ITIH5: variants seen among roughly 807,000 people sequenced by gnomAD.
ITIH5 encodes inter-alpha-trypsin inhibitor heavy chain 5, also known as inter-alpha-trypsin inhibitor heavy chain H5.
A neutral mutation model predicts 77.5 loss-of-function variants in ITIH5; 65 were observed. The observed-to-expected ratio is 0.84, with a 90% confidence interval of 0.69 to 1.03. The LOEUF (loss-of-function observed/expected upper bound fraction) is 1.03. ITIH5 is among the 50% of genes least tolerant of loss of function. The pLI is 0.00. For missense variants in ITIH5, 1,208 were observed against 1,213.1 expected (o/e 1.00, Z 0.06); for synonymous variants, 525 against 494.3 (o/e 1.06, Z -0.82).
chr10:7,572,290 A>G, intron 11 of ITIH5: 1 of 1,363,742 alleles, frequency 7.3e-7, no homozygotes, highest in Non-Finnish European at 9.8e-7. Context: ...AACAAAACCC[A>G]GTCATAGGTT....
At chr10:7,588,805 T>C (rs1196523484) in intron 7 of ITIH5, among the ~76,000 whole-genome samples, 3 of 152,230 alleles carry the variant, frequency 2.0e-5, no homozygotes, top group Non-Finnish European at 4.4e-5. Context: ...TCTTCCTCTG[T>C]TGAGGTGATT....
Position 7,559,766 on chromosome 10 carries a change from T to C in ITIH5, c.*3317A>G. ...CAGACATGGTGTCTGGTGAGGGCCG[T>C]CTTCCTGGCTTGCAGGTGGCCATCT... On this transcript the variant is annotated 3_prime_UTR_variant, in exon 14 of 14. Coordinates refer to ENST00000397146, the MANE Select transcript of ITIH5 (RefSeq NM_030569.7). 4.4e-6 allele frequency: 2 copies of C among 454,218 alleles called. No homozygotes were observed. Among genetic ancestry groups the C allele is most frequent in the South Asian group, 3.1e-5 (2 of 64,070 alleles). 28.1% of individuals were successfully genotyped at this position (454,218 alleles called of 1,614,324 possible).
chr10:7,635,048 C>A (rs1833777716), intron 5 of ITIH5, among the ~76,000 whole-genome samples: 1 of 152,144 alleles, frequency 6.6e-6, no homozygotes, highest in Admixed American at 6.5e-5. Flanking sequence ...CTTGGCCTCC[C>A]AAAGTGCTGG....
In ITIH5 at chr10:7,654,601, G is replaced by C. The variant is rs568899783; in HGVS notation, c.135+1030C>G. On this transcript the variant is annotated intron_variant, in intron 2 of 13. Coordinates refer to ENST00000397146, the MANE Select transcript of ITIH5 (RefSeq NM_030569.7). ...TCCTTTCACACAATGCAAACCAACT[G>C]CATGGCAGGTGTCATCTGGCCATGT... 3.3e-5 allele frequency among the ~76,000 whole-genome samples: 5 copies of C among 152,332 alleles called. No homozygotes were observed. In the East Asian group the frequency reaches 9.6e-4, roughly 29 times the overall value.
At chr10:7,649,669 A>G (rs1464510493) in intron 2 of ITIH5, among the ~76,000 whole-genome samples, 1 of 152,228 alleles carries the variant, frequency 6.6e-6, no homozygotes, top group Non-Finnish European at 1.5e-5. Flanking sequence ...GGTGAAAGAG[A>G]ACAGAAAGAA....
intron 5 of ITIH5, among the ~76,000 whole-genome samples, chr10:7,627,060 G>C (rs1833591452): frequency 6.6e-6 from 1 of 152,112 alleles, no homozygotes; most frequent in Non-Finnish European, 1.5e-5. Context: ...TGTCTACGAA[G>C]ACAACCGAAG....
intron 7 of ITIH5, among the ~76,000 whole-genome samples, chr10:7,611,909 T>C (rs890857544): frequency 7.9e-5 from 8 of 100,708 alleles, no homozygotes; most frequent in Non-Finnish European, 1.7e-4. Context: ...AATATCCACC[T>C]GCAATTTTTT....
intron 7 of ITIH5, among the ~76,000 whole-genome samples, chr10:7,588,311 G>A (rs1010824042): frequency 3.3e-5 from 5 of 152,056 alleles, no homozygotes; most frequent in African/African-American, 1.2e-4. Flanking sequence ...TTGAGGTGAG[G>A]AGTTTGAAAC....
At position 7,644,731 on chromosome 10, in the gene ITIH5, ATC is replaced by A. The variant is rs374666391; in HGVS notation, c.136-2643_136-2642del. On this transcript the variant is annotated intron_variant, in intron 2 of 13. Transcript: ENST00000397146. ...CACATATATATCATATATATCACAT[ATC>A]TATATCACATATATATCACATATAT... Among the ~76,000 whole-genome samples, 65 of 129,316 alleles carry A rather than the reference ATC, an allele frequency of 5.0e-4. 2 individuals are homozygous for A. The highest frequency in any genetic ancestry group is 1.9e-3 in the African/African-American group (57 of 30,030). The allele number at this position is 129,316 out of a possible 152,430, so 84.8% of individuals were successfully genotyped here.
Position 7,559,488 on chromosome 10 carries a change from GTGTTATT to G in ITIH5, c.*3588_*3594del, listed in dbSNP as rs1314636737. ...TACATTTATAAGTATTTGCTTAGCT[GTGTTATT>G]TGTTATTTATTTTAGCTGGATCATG... On this transcript the variant is annotated 3_prime_UTR_variant, in exon 14 of 14. Coordinates refer to ENST00000397146, the MANE Select transcript of ITIH5 (RefSeq NM_030569.7). 2 of 163,594 alleles carry G rather than the reference GTGTTATT, an allele frequency of 1.2e-5. No individual in the cohort carries two copies. The highest frequency in any genetic ancestry group is 2.6e-5 in the Non-Finnish European group (2 of 75,762). The allele number at this position is 163,594 out of a possible 1,614,324, so 10.1% of individuals were successfully genotyped here. A position where few individuals can be genotyped will look rare whatever the true frequency, so the allele number is the denominator to read the frequency against.
chr10:7,571,956 G>C (rs1832308446), intron 11 of ITIH5: 2 of 989,868 alleles, frequency 2.0e-6, no homozygotes, highest in East Asian at 1.1e-4. Context: ...ACAGTTTTCT[G>C]AGAGTTTCTA....
At chr10:7,665,318 C>G (rs1487185264) in intron 1 of ITIH5, among the ~76,000 whole-genome samples, 1 of 152,122 alleles carries the variant, frequency 6.6e-6, no homozygotes, top group African/African-American at 2.4e-5. Context: ...TCCACACCCC[C>G]AAAAAAGTTT....
At chr10:7,596,107 C>G (rs575072661) in intron 7 of ITIH5, among the ~76,000 whole-genome samples, 1 of 152,318 alleles carries the variant, frequency 6.6e-6, no homozygotes, top group East Asian at 1.9e-4. Flanking sequence ...TCTAGCGGAT[C>G]TTTGGGGAGG....
chr10:7,617,059 G>A, intron 6 of ITIH5, 54 bp downstream of exon 6: 1 of 1,173,592 alleles, frequency 8.5e-7, no homozygotes, highest in Middle Eastern at 2.1e-4. Context: ...CACAGTATGA[G>A]TCTGTCCAAA....
intron 5 of ITIH5, among the ~76,000 whole-genome samples, chr10:7,635,438 A>G (rs545401526): frequency 3.9e-5 from 6 of 152,270 alleles, no homozygotes; most frequent in African/African-American, 1.4e-4. Context: ...CATTAACCAT[A>G]CAGCTACCAC....
intron 1 of ITIH5, among the ~76,000 whole-genome samples, chr10:7,662,503 G>A (rs900500655): frequency 2.0e-5 from 3 of 152,054 alleles, no homozygotes; most frequent in African/African-American, 7.2e-5. Context: ...TTCCTAAATC[G>A]ACCTACTCCA....
intron 13 of ITIH5, among the ~76,000 whole-genome samples, chr10:7,564,834 TATAC>T (rs969193412): frequency 6.6e-5 from 10 of 150,734 alleles, no homozygotes; most frequent in African/African-American, 1.5e-4. Context: ...CCATAGACTG[TATAC>T]ATACATACAT....
chr10:7,623,133 G>A (rs776358328), intron 5 of ITIH5, among the ~76,000 whole-genome samples: 4 of 140,990 alleles, frequency 2.8e-5, no homozygotes, highest in Non-Finnish European at 5.9e-5. Flanking sequence ...TCACAGCCAC[G>A]GGCTGGAAGC....
Position 7,562,710 on chromosome 10 carries a change from T to A in ITIH5, c.*373A>T. 7.0e-5 allele frequency: 14 copies of A among 199,580 alleles called. No homozygotes were observed. Among genetic ancestry groups the A allele is most frequent in the East Asian group, 3.8e-4 (3 of 7,996 alleles). 12.4% of individuals were successfully genotyped at this position (199,580 alleles called of 1,614,324 possible). A position where few individuals can be genotyped will look rare whatever the true frequency, so the allele number is the denominator to read the frequency against. ...TGTCCATTTCCACCAAGAAAAAAAGTTTCATAGCAACCTTCCTTCACCAGA... is the reference window on the plus strand; with the variant it reads ...TGTCCATTTCCACCAAGAAAAAAAGATTCATAGCAACCTTCCTTCACCAGA... On this transcript the variant is annotated 3_prime_UTR_variant, in exon 14 of 14. Transcript: ENST00000397146.
Sources: allele counts gnomAD v4.1 joint callset (sites outside exome capture counted in the v4.1 genomes callset), GRCh38; gene constraint gnomAD v4.1.1; transcripts MANE v1.5; gene names NCBI Gene and HGNC (gene_info 2026-07-23, HGNC 2026-07-21).